PPARD: variants seen among roughly 807,000 people sequenced by gnomAD.
PPARD encodes peroxisome proliferator activated receptor delta, also known as peroxisome proliferator-activated receptor delta.
A neutral mutation model predicts 39.5 loss-of-function variants in PPARD; 6 were observed. The ratio of observed to expected loss-of-function variants is 0.15; its 90% CI spans 0.08 to 0.30. The LOEUF (loss-of-function observed/expected upper bound fraction) is 0.30, where lower values mean the gene tolerates loss of function less well. Ranked by LOEUF, PPARD falls within the 10% of genes least tolerant of loss-of-function variation. The pLI, the probability that PPARD is intolerant of heterozygous loss-of-function variation, is 1.00. For synonymous variants in PPARD, 210 were observed against 231.3 expected (o/e 0.91, Z 0.83); for missense variants, 397 against 596.8 (o/e 0.67, Z 3.49).
intron 2 of PPARD, among the ~76,000 whole-genome samples, chr6:35,370,479 T>C (rs578176167): frequency 2.6e-5 from 4 of 152,142 alleles, no homozygotes; most frequent in Non-Finnish European, 5.9e-5. Flanking sequence ...TCTTCAAAAA[T>C]AGAAATGAAG....
intron 2 of PPARD, among the ~76,000 whole-genome samples, chr6:35,380,074 G>T (rs1474176865): frequency 6.6e-6 from 1 of 152,180 alleles, no homozygotes; most frequent in Admixed American, 6.5e-5. Flanking sequence ...CAGAATGTCT[G>T]GGAGTGTGAC....
intron 2 of PPARD, among the ~76,000 whole-genome samples, chr6:35,382,666 G>C (rs1277287741): frequency 6.6e-6 from 1 of 152,200 alleles, no homozygotes; most frequent in African/African-American, 2.4e-5. Flanking sequence ...TTTCTAAACA[G>C]GCATATCCCA....
rs373271168 is a variant in PPARD at position 35,401,652 on chromosome 6, C to T, written c.-101-9335C>T. 1.4e-4 allele frequency among the ~76,000 whole-genome samples: 21 copies of T among 152,212 alleles called. No individual in the cohort carries two copies. Among genetic ancestry groups the T allele is most frequent in the African/African-American group, 4.6e-4 (19 of 41,450 alleles). ...CTCAGCCTGCCTGGGCCAGAGGCTA[C>T]GTAAGGTCCTCAGGAAAGCGTCTCC... On this transcript the variant is annotated intron_variant, in intron 2 of 7. Transcript: ENST00000360694. The surrounding 1 kb of genome is among the most constrained non-coding windows in gnomAD (Gnocchi z 4.1).
rs77525104 is a variant in PPARD at position 35,382,008 on chromosome 6, G to A, written c.-101-28979G>A. Among the ~76,000 whole-genome samples the A allele has an allele frequency of 1.2e-3, 179 of 152,268 alleles. No homozygotes were observed. The East Asian group carries it at 0.015, about 13-fold the overall frequency. On this transcript the variant is annotated intron_variant, in intron 2 of 7. Coordinates refer to ENST00000360694, the MANE Select transcript of PPARD (RefSeq NM_006238.5). ...CCTCCAAGGGCGCATTCTAGAGTTCGTCATGCAGACATTCTTGCCTGTGGT... is the reference window on the plus strand; with the variant it reads ...CCTCCAAGGGCGCATTCTAGAGTTCATCATGCAGACATTCTTGCCTGTGGT...
chr6:35,426,072 T>G lies in PPARD; in HGVS notation c.1319T>G (p.Met440Arg). The change falls in exon 8 of 8, where the codon ATG becomes AGG. Residue 440 changes from methionine to arginine, a missense_variant. Physicochemically the swap from Met to Arg is moderately conservative, Grantham distance 91 (BLOSUM62 -1). Coordinates refer to ENST00000360694, the MANE Select transcript of PPARD (RefSeq NM_006238.5). ...HPLLQEIYKD[M>R]Y ...CTGCTCCAGGAGATCTACAAGGACA[T>G]GTACTAACGGCGGCACCCAGGCCTC... is the stretch of plus-strand genomic sequence containing the variant. The G allele has an allele frequency of 1.2e-6, 2 of 1,611,808 alleles. No individual in the cohort carries two copies. Among genetic ancestry groups the G allele is most frequent in the Non-Finnish European group, 1.7e-6 (2 of 1,179,894 alleles).
chr6:35,408,747 T>A (rs992849054), intron 2 of PPARD, among the ~76,000 whole-genome samples: 12 of 152,172 alleles, frequency 7.9e-5, no homozygotes, highest in African/African-American at 2.9e-4. Flanking sequence ...AAAACCAAAA[T>A]TTTTAAAGGT....
At chr6:35,369,666 A>G (rs1762382552) in intron 2 of PPARD, among the ~76,000 whole-genome samples, 1 of 152,254 alleles carries the variant, frequency 6.6e-6, no homozygotes, top group Non-Finnish European at 1.5e-5. Flanking sequence ...ATAGTTTTCA[A>G]GAATGCACTT....
At position 35,412,885 on chromosome 6, in the gene PPARD, CA is replaced by C. The variant is rs1765518366; in HGVS notation, c.130+1669del. 3.9e-5 allele frequency among the ~76,000 whole-genome samples: 6 copies of C among 152,146 alleles called. No individual in the cohort carries two copies. The South Asian group carries it at 1.2e-3, about 32-fold the overall frequency. On this transcript the variant is annotated intron_variant, in intron 3 of 7. Coordinates refer to ENST00000360694, the MANE Select transcript of PPARD (RefSeq NM_006238.5). The surrounding 1 kb of genome is among the most constrained non-coding windows in gnomAD (Gnocchi z 4.1). ...CCAGGAGTGATAATTCACTCAGTGC[CA>C]GTAGCACATACTGTTCTAAATCTGA... is the stretch of plus-strand genomic sequence containing the variant.
chr6:35,371,341 C>T (rs1762470805), intron 2 of PPARD, among the ~76,000 whole-genome samples: 1 of 152,104 alleles, frequency 6.6e-6, no homozygotes, highest in Non-Finnish European at 1.5e-5. Context: ...CAACATTCTT[C>T]AGGCTTCTGC....
rs542286834 is a variant in PPARD, at chr6:35,342,661, C to G, written c.-206C>G. ...GGAGCCTGCGGGACGGCGGCGGTGG[C>G]GCCGTAGGCAGCCGGGACAGGTCAG... On this transcript the variant is annotated 5_prime_UTR_variant, in exon 1 of 8. Coordinates refer to ENST00000360694, the MANE Select transcript of PPARD (RefSeq NM_006238.5). 3 of 152,854 alleles carry G rather than the reference C, an allele frequency of 2.0e-5. No individual in the cohort carries two copies. The highest frequency in any genetic ancestry group is 7.2e-5 in the African/African-American group (3 of 41,570). The allele number at this position is 152,854 out of a possible 1,614,324, so 9.5% of individuals were successfully genotyped here. A position where few individuals can be genotyped will look rare whatever the true frequency, so the allele number is the denominator to read the frequency against.
rs577826880 is a variant in PPARD, at chr6:35,367,122, T to A, written c.-102+19972T>A. Among the ~76,000 whole-genome samples, 4 of 152,246 alleles carry A rather than the reference T, an allele frequency of 2.6e-5. No homozygotes were observed. In the South Asian group the frequency reaches 8.3e-4, roughly 32 times the overall value. On this transcript the variant is annotated intron_variant, in intron 2 of 7. Transcript: ENST00000360694. ...AAGGAAATGGAGGAGTGTAAGAGGT[T>A]GATTCTTTGAACCTGGATGGCTGGG...
intron 2 of PPARD, among the ~76,000 whole-genome samples, chr6:35,389,634 T>C (rs550779609): frequency 9.7e-4 from 148 of 152,264 alleles, no homozygotes; most frequent in Middle Eastern, 3.4e-3. Flanking sequence ...TTTATGGTGG[T>C]ATATAAATGT....
At chr6:35,372,415 G>A (rs994894663) in intron 2 of PPARD, among the ~76,000 whole-genome samples, 1 of 152,178 alleles carries the variant, frequency 6.6e-6, no homozygotes, top group Non-Finnish European at 1.5e-5. Flanking sequence ...CTGACCTCAG[G>A]TGATCTGCCC....
chr6:35,425,114 A>G lies in PPARD; in HGVS notation c.1078+335A>G, dbSNP rs147591529. On this transcript the variant is annotated intron_variant, in intron 7 of 7. Transcript: ENST00000360694. The surrounding 1 kb of genome is among the most constrained non-coding windows in gnomAD (Gnocchi z 4.5). ...ATGGTGAAACCCCGTCTCTACTAAA[A>G]ATACAAAAAATTAGCCAGATGTGGT... The G allele has an allele frequency of 3.3e-3, 2,816 of 859,328 alleles. 70 individuals are homozygous for G. The African/African-American group carries it at 0.046, about 14-fold the overall frequency. 53.2% of individuals were successfully genotyped at this position (859,328 alleles called of 1,614,324 possible).
At chr6:35,344,128 A>G (rs1792032060) in intron 1 of PPARD, among the ~76,000 whole-genome samples, 1 of 152,076 alleles carries the variant, frequency 6.6e-6, no homozygotes, top group South Asian at 2.1e-4. Context: ...TGGCCAACTG[A>G]ATGTGCCTCT....
chr6:35,376,968 T>C (rs906104625), intron 2 of PPARD, among the ~76,000 whole-genome samples: 1 of 148,840 alleles, frequency 6.7e-6, no homozygotes, highest in Admixed American at 6.7e-5. Context: ...TGCAGTGAGC[T>C]GAGATCACGC....
At position 35,420,195 on chromosome 6, in the gene PPARD, T is replaced by C; in HGVS notation, c.199T>C (p.Cys67Arg). The C allele has an allele frequency of 1.9e-6, 3 of 1,613,128 alleles. No homozygotes were observed. The highest frequency in any genetic ancestry group is 2.2e-5 in the East Asian group (1 of 44,768). ...GCAGATGGGCTGTGACGGGGCCTCATGCGGCAGCCTCAACATGGAGTGCCG... is the reference window on the plus strand; with the variant it reads ...GCAGATGGGCTGTGACGGGGCCTCACGCGGCAGCCTCAACATGGAGTGCCG... Reference protein sequence around the residue: ...QLQMGCDGASCGSLNMECRVC... With the variant: ...QLQMGCDGASRGSLNMECRVC... Residue 67 changes from cysteine to arginine, a missense_variant, in exon 4 of 8, where the codon TGC (cysteine) becomes CGC (arginine). Cys to Arg is a radical substitution (Grantham distance 180). Coordinates refer to ENST00000360694, the MANE Select transcript of PPARD (RefSeq NM_006238.5).
At chr6:35,362,002 A>G (rs1562175863) in intron 2 of PPARD, among the ~76,000 whole-genome samples, 1 of 152,242 alleles carries the variant, frequency 6.6e-6, no homozygotes, top group Non-Finnish European at 1.5e-5. Context: ...AGTTATATAA[A>G]TAATGCTCAT....
At chr6:35,351,472 A>T (rs1761245756) in intron 2 of PPARD, among the ~76,000 whole-genome samples, 1 of 152,210 alleles carries the variant, frequency 6.6e-6, no homozygotes, top group South Asian at 2.1e-4. Flanking sequence ...TGTCGGGCTC[A>T]CAGTGGTCAA....
Sources: allele counts gnomAD v4.1 joint callset (sites outside exome capture counted in the v4.1 genomes callset), GRCh38; gene constraint gnomAD v4.1.1; non-coding constraint Gnocchi (gnomAD v3.1); transcripts MANE v1.5; gene names NCBI Gene and HGNC (gene_info 2026-07-23, HGNC 2026-07-21).